Variants in SPOP observed in about 807,000 individuals in gnomAD.
SPOP encodes the protein speckle-type POZ protein.
In SPOP, 11 loss-of-function variants were observed where a neutral mutation model predicts 45.6. The ratio of observed to expected loss-of-function variants is 0.24; its 90% CI spans 0.15 to 0.40. The LOEUF is 0.40. Ranked by LOEUF, SPOP falls within the 10% of genes least tolerant of loss-of-function variation. The pLI, the probability that SPOP is intolerant of heterozygous loss-of-function variation, is 1.00. For missense variants in SPOP, 152 were observed against 465.6 expected (o/e 0.33, Z 6.20); for synonymous variants, 166 against 166.3 (o/e 1.00, Z 0.01).
At position 49,619,153 on chromosome 17, in the gene SPOP, C is replaced by A. The variant is rs768955588; in HGVS notation, c.353-45G>T. On this transcript the variant is annotated intron_variant, in intron 4 of 9. Transcript: ENST00000504102. The surrounding 1 kb of genome is among the most constrained non-coding windows in gnomAD (Gnocchi z 4.9). ...AGTCATATTTAAGGTTACGCAAAAACCAGATCAAAGCCACAACTTGTCAGT... is the reference window on the plus strand; with the variant it reads ...AGTCATATTTAAGGTTACGCAAAAAACAGATCAAAGCCACAACTTGTCAGT... 1.2e-6 allele frequency: 2 copies of A among 1,613,386 alleles called. No homozygotes were observed. Among genetic ancestry groups the A allele is most frequent in the South Asian group, 2.2e-5 (2 of 91,046 alleles).
At chr17:49,674,407 G>T (rs1446946300) in intron 1 of SPOP, among the ~76,000 whole-genome samples, 2 of 152,048 alleles carry the variant, frequency 1.3e-5, no homozygotes, top group East Asian at 3.9e-4. Flanking sequence ...ATCTGTTCAG[G>T]TTTTCTATTT....
intron 5 of SPOP, among the ~76,000 whole-genome samples, chr17:49,614,802 A>AGTGTGT (rs60134980): frequency 0.019 from 2,748 of 147,032 alleles, 97 homozygotes; most frequent in African/African-American, 0.062. Flanking sequence ...CATGCTATGA[A>AGTGTGT]GTGTGTGTGT....
intron 3 of SPOP, among the ~76,000 whole-genome samples, chr17:49,621,585 G>A (rs552510545): frequency 6.6e-6 from 1 of 152,318 alleles, no homozygotes; most frequent in East Asian, 1.9e-4. Context: ...CTCATGCATA[G>A]CTATAGTTAG....
chr17:49,676,930 T>G (rs1479214612), intron 1 of SPOP, among the ~76,000 whole-genome samples: 1 of 152,216 alleles, frequency 6.6e-6, no homozygotes, highest in African/African-American at 2.4e-5. Context: ...AATAAGTTAT[T>G]GTCCACCAAC....
chr17:49,641,285 A>AG (rs1471144837), intron 1 of SPOP, among the ~76,000 whole-genome samples: 2 of 150,874 alleles, frequency 1.3e-5, no homozygotes, highest in Non-Finnish European at 3.0e-5. Flanking sequence ...AAAAAAAAAA[A>AG]AAAAAGCAAT....
intron 3 of SPOP, 31 bp downstream of exon 3, chr17:49,621,915 A>C (rs1376369788): frequency 6.2e-7 from 1 of 1,608,010 alleles, no homozygotes. Flanking sequence ...ACTTCAGAAA[A>C]ATTTTTACAG....
intron 1 of SPOP, among the ~76,000 whole-genome samples, chr17:49,626,051 C>T (rs2072324236): frequency 6.6e-6 from 1 of 152,094 alleles, no homozygotes. Flanking sequence ...TCCATTATAT[C>T]ACACATCTCT....
At chr17:49,611,519 T>TAGAG (rs3217104) in intron 5 of SPOP, 62 bp from the exon 6 acceptor site, 947,108 of 1,570,354 alleles carry the variant, frequency 0.6, 291,512 homozygotes, top group African/African-American at 0.77. Flanking sequence ...TGCCAGCAGA[T>TAGAG]AGACGACTTT....
intron 1 of SPOP, chr17:49,675,850 C>G (rs1431478154): frequency 2.0e-5 from 3 of 152,094 alleles, no homozygotes; most frequent in African/African-American, 7.3e-5. Flanking sequence ...GGCAAAACCT[C>G]AACTCTACAA....
At chr17:49,647,569 C>T (rs1434304981) in intron 1 of SPOP, among the ~76,000 whole-genome samples, 4 of 152,080 alleles carry the variant, frequency 2.6e-5, no homozygotes, top group Non-Finnish European at 5.9e-5. Context: ...CAACCTCCAC[C>T]TCCCAGGTTC....
chr17:49,652,061 T>C (rs1444434846), intron 1 of SPOP, among the ~76,000 whole-genome samples: 1 of 151,996 alleles, frequency 6.6e-6, no homozygotes, highest in African/African-American at 2.4e-5. Context: ...CCAATACTAC[T>C]ACAGGTGGAT....
chr17:49,656,263 TAAG>T, intron 1 of SPOP, among the ~76,000 whole-genome samples: 1 of 152,202 alleles, frequency 6.6e-6, no homozygotes, highest in Non-Finnish European at 1.5e-5. Flanking sequence ...AATAAATATT[TAAG>T]TATTGGGAAG....
intron 1 of SPOP, chr17:49,636,373 T>A (rs529945831): frequency 9.2e-5 from 14 of 152,330 alleles, no homozygotes; most frequent in African/African-American, 3.1e-4. Flanking sequence ...AACCATTGAT[T>A]AAAAATTTAA....
At chr17:49,650,164 T>C (rs1336369420) in intron 1 of SPOP, among the ~76,000 whole-genome samples, 11 of 152,206 alleles carry the variant, frequency 7.2e-5, no homozygotes, top group African/African-American at 2.2e-4. Context: ...GTGCTTGGAT[T>C]ACAGGTGTGA....
At chr17:49,662,935 T>C (rs1418595978) in intron 1 of SPOP, among the ~76,000 whole-genome samples, 3 of 152,222 alleles carry the variant, frequency 2.0e-5, no homozygotes, top group African/African-American at 7.2e-5. Context: ...AGTAGATTCC[T>C]GGAGGTCCCT....
At chr17:49,611,129 G>T in intron 6 of SPOP, 151 bp downstream of exon 6, 2 of 854,406 alleles carry the variant, frequency 2.3e-6, no homozygotes, top group Non-Finnish European at 3.5e-6. Flanking sequence ...TTGGTTCTGA[G>T]CATTGTTACC....
chr17:49,622,634 G>C, intron 2 of SPOP, 99 bp downstream of exon 2: 1 of 1,029,116 alleles, frequency 9.7e-7, no homozygotes, highest in South Asian at 1.3e-5. Flanking sequence ...TTATGTTCCA[G>C]AGAAAGCAAG....
intron 1 of SPOP, 96 bp downstream of exon 1, chr17:49,677,836 TG>T (rs2073223865): frequency 4.0e-6 from 1 of 247,922 alleles, no homozygotes; most frequent in Non-Finnish European, 6.4e-6. Flanking sequence ...TGGCGGGGGG[TG>T]GGGGGACAGT....
intron 1 of SPOP, among the ~76,000 whole-genome samples, chr17:49,657,057 C>A (rs529369332): frequency 6.6e-6 from 1 of 151,688 alleles, no homozygotes; most frequent in Non-Finnish European, 1.5e-5. Flanking sequence ...TGGTGGCGGG[C>A]GCCTGTAGTC....
Sources: allele counts gnomAD v4.1 joint callset (sites outside exome capture counted in the v4.1 genomes callset), GRCh38; gene constraint gnomAD v4.1.1; non-coding constraint Gnocchi (gnomAD v3.1); transcripts MANE v1.5; gene names NCBI Gene and HGNC (gene_info 2026-07-23, HGNC 2026-07-21).